RBBP6: variants seen among roughly 807,000 people sequenced by gnomAD.
RBBP6 encodes RB binding protein 6, ubiquitin ligase, also known as E3 ubiquitin-protein ligase RBBP6.
In RBBP6, 25 loss-of-function variants were observed where a neutral mutation model predicts 167.7. The ratio of observed to expected loss-of-function variants is 0.15; its 90% CI spans 0.11 to 0.21. The LOEUF is 0.21. Ranked by LOEUF, RBBP6 falls within the 10% of genes least tolerant of loss-of-function variation. The probability of loss-of-function intolerance (pLI) is 1.00; values close to 1 mark genes in which losing one functional copy is unlikely to be tolerated. For missense variants in RBBP6, 1,868 were observed against 2,134.2 expected, an observed-to-expected ratio of 0.88 and a Z score of 2.46; for synonymous variants, 789 against 735.8, an observed-to-expected ratio of 1.07 and a Z score of -1.17.
chr16:24,547,817 A>C (rs923952183), intron 2 of RBBP6, among the ~76,000 whole-genome samples: 7 of 152,202 alleles, frequency 4.6e-5, no homozygotes, highest in Non-Finnish European at 1.0e-4. Context: ...TTTTACTTTA[A>C]TTTACCAAGT....
chr16:24,546,762 A>G (rs1898663805), intron 2 of RBBP6, among the ~76,000 whole-genome samples: 2 of 152,190 alleles, frequency 1.3e-5, no homozygotes, highest in Non-Finnish European at 2.9e-5. Context: ...ATTTGACTCC[A>G]TTTACTGCTT....
Position 24,570,313 on chromosome 16 carries a change from A to T in RBBP6, c.3623A>T (p.Lys1208Ile), listed in dbSNP as rs3743968. 7.5e-6 allele frequency: 12 copies of T among 1,610,514 alleles called. No homozygotes were observed. In the East Asian group the frequency reaches 2.5e-4, roughly 33 times the overall value. Residue 1208 changes from lysine (K) to isoleucine (I), a missense_variant, in exon 17 of 18, where the codon AAA becomes ATA. Around this residue, in one of 7 missense-constraint regions of RBBP6, gnomAD observed 673 missense variants for 691.5 expected, o/e 0.97. Coordinates refer to ENST00000319715, the MANE Select transcript of RBBP6 (RefSeq NM_006910.5). ...DKISLSAPAKKIKLNRETGKK... is the reference protein window; with the variant it reads ...DKISLSAPAKIIKLNRETGKK... ...ATTTCTTTAAGTGCGCCAGCCAAAA[A>T]AATCAAACTCAACAGAGAAACTGGG...
chr16:24,569,022 G>A lies in RBBP6; in HGVS notation c.2332G>A (p.Gly778Arg). 1 of 1,614,104 alleles carries A rather than the reference G, an allele frequency of 6.2e-7. No individual in the cohort carries two copies. The highest frequency in any genetic ancestry group is 1.1e-5 in the South Asian group (1 of 91,080). Residue 778 changes from glycine to arginine, a missense_variant, in exon 17 of 18, where the codon GGA becomes AGA. This residue lies in a region of RBBP6 where 673 missense variants were observed against 691.5 expected (regional missense o/e 0.97). Transcript: ENST00000319715. The part of the protein sequence containing the change: ...SRSRSPQAFR[G>R]QSPNKRNVPQ... ...ATCAAGATCTCCTCAAGCGTTTAGG[G>A]GACAGTCTCCTAATAAACGTAATGT...
At chr16:24,549,086 T>C in intron 3 of RBBP6, 105 bp downstream of exon 3, 1 of 1,530,132 alleles carries the variant, frequency 6.5e-7, no homozygotes, top group Non-Finnish European at 8.8e-7. Flanking sequence ...CTGATCATAG[T>C]ACATATTGTA....
chr16:24,559,934 T>C (rs1013396948), intron 8 of RBBP6: 1 of 230,364 alleles, frequency 4.3e-6, no homozygotes, highest in African/African-American at 2.3e-5. Context: ...TTTTTCTTAA[T>C]ATAGACTTTT....
In RBBP6 at chr16:24,569,425, A is replaced by G. The variant is rs772588081; in HGVS notation, c.2735A>G (p.Asp912Gly). Reference sequence around the variant, plus strand: ...GCAAGAGATGGTCACAATCAGAAGGATAATACAAAGTCAAAAGAGAAGGAG... The same window carrying G: ...GCAAGAGATGGTCACAATCAGAAGGGTAATACAAAGTCAAAAGAGAAGGAG... ...LSARDGHNQK[D>G]NTKSKEKESE... Residue 912 changes from aspartate (D) to glycine (G), a missense_variant, in exon 17 of 18, where the codon GAT becomes GGT. By Grantham distance (94) the Asp-to-Gly change is moderately conservative. Around this residue, in one of 7 missense-constraint regions of RBBP6, gnomAD observed 673 missense variants for 691.5 expected, o/e 0.97. Transcript: ENST00000319715. The G allele has an allele frequency of 6.2e-7, 1 of 1,613,998 alleles. No homozygotes were observed. Among genetic ancestry groups the G allele is most frequent in the African/African-American group, 1.3e-5 (1 of 74,920 alleles).
chr16:24,540,486 G>T lies in RBBP6; in HGVS notation c.-141G>T, dbSNP rs1236618462. ...TGACGAACCCCTGCTTGTGGTTGGG[G>T]GGTATTTAATCTGAGGCCTTAGGGT... is the stretch of plus-strand genomic sequence containing the variant. On this transcript the variant is annotated 5_prime_UTR_variant, in exon 1 of 18. Transcript: ENST00000319715. 4 of 718,408 alleles carry T rather than the reference G, an allele frequency of 5.6e-6. No individual in the cohort carries two copies. The highest frequency in any genetic ancestry group is 8.7e-6 in the Non-Finnish European group (4 of 457,926). 44.5% of individuals were successfully genotyped at this position (718,408 alleles called of 1,614,324 possible). A position where few individuals can be genotyped will look rare whatever the true frequency, so the allele number is the denominator to read the frequency against.
Position 24,572,730 on chromosome 16 carries a change from C to A in RBBP6, c.*285C>A, listed in dbSNP as rs1385736413. ...AGTTTACTGTAATGTGAAATTTTCA[C>A]ATTTGAATTTTTTAATTGCCTGGCA... is the stretch of plus-strand genomic sequence containing the variant. On this transcript the variant is annotated 3_prime_UTR_variant, in exon 18 of 18. Coordinates refer to ENST00000319715, the MANE Select transcript of RBBP6 (RefSeq NM_006910.5). 1 of 265,060 alleles carries A rather than the reference C, an allele frequency of 3.8e-6. No individual in the cohort carries two copies. The highest frequency in any genetic ancestry group is 7.0e-6 in the Non-Finnish European group (1 of 143,286). 16.4% of individuals were successfully genotyped at this position (265,060 alleles called of 1,614,324 possible). A position where few individuals can be genotyped will look rare whatever the true frequency, so the allele number is the denominator to read the frequency against.
At chr16:24,557,188 G>A (rs1280814188) in intron 7 of RBBP6, among the ~76,000 whole-genome samples, 2 of 151,854 alleles carry the variant, frequency 1.3e-5, no homozygotes, top group Non-Finnish European at 2.9e-5. Flanking sequence ...TTTTAGTAGA[G>A]ACGGAGTTTC....
chr16:24,549,983 G>T (rs1490781636), intron 3 of RBBP6, among the ~76,000 whole-genome samples: 1 of 151,906 alleles, frequency 6.6e-6, no homozygotes, highest in Non-Finnish European at 1.5e-5. Flanking sequence ...AAGTTGTGGG[G>T]TGAAGCATCT....
Position 24,571,478 on chromosome 16 carries a change from G to C in RBBP6, c.4412G>C (p.Arg1471Thr). 1 of 1,612,402 alleles carries C rather than the reference G, an allele frequency of 6.2e-7. No individual in the cohort carries two copies. Among genetic ancestry groups the C allele is most frequent in the Non-Finnish European group, 8.5e-7 (1 of 1,179,672 alleles). The change falls in exon 18 of 18, where the codon AGA becomes ACA. Residue 1471 changes from arginine (R) to threonine (T), a missense_variant. Physicochemically the swap from Arg to Thr is moderately conservative, Grantham distance 71 (BLOSUM62 -1). Coordinates refer to ENST00000319715, the MANE Select transcript of RBBP6 (RefSeq NM_006910.5). Reference protein sequence around the residue: ...ASSNKDFTPNRDKKTDYDTRE... With the variant: ...ASSNKDFTPNTDKKTDYDTRE... ...TCAAATAAAGACTTCACTCCCAATA[G>C]AGACAAAAAAACTGACTATGACACC... is the stretch of plus-strand genomic sequence containing the variant.
rs1238561070 is a variant in RBBP6 at position 24,572,606 on chromosome 16, AAC to A, written c.*164_*165del. On this transcript the variant is annotated 3_prime_UTR_variant, in exon 18 of 18. Transcript: ENST00000319715. ...TTTGATTTTTACATCAGAGCTTTAT[AAC>A]ACGAACTTTTGTACAGAATTGTGAG... 9.4e-7 allele frequency: 1 copy of A among 1,061,444 alleles called. No homozygotes were observed. 65.8% of individuals were successfully genotyped at this position (1,061,444 alleles called of 1,614,324 possible). A position where few individuals can be genotyped will look rare whatever the true frequency, so the allele number is the denominator to read the frequency against.
chr16:24,549,991 T>A (rs1224938463), intron 3 of RBBP6, among the ~76,000 whole-genome samples: 1 of 152,004 alleles, frequency 6.6e-6, no homozygotes, highest in Non-Finnish European at 1.5e-5. Flanking sequence ...GGGTGAAGCA[T>A]CTGTTTCATA....
At chr16:24,565,057 T>C (rs1361078116) in intron 14 of RBBP6, among the ~76,000 whole-genome samples, 192 bp downstream of exon 14, 1 of 152,176 alleles carries the variant, frequency 6.6e-6, no homozygotes, top group Admixed American at 6.5e-5. Context: ...GTATCTTAAA[T>C]GATGGTTTTT....
In RBBP6 at chr16:24,562,874, C is replaced by T. The variant is rs540494161; in HGVS notation, c.1290-325C>T. Among the ~76,000 whole-genome samples, 118 of 152,136 alleles carry T rather than the reference C, an allele frequency of 7.8e-4. 1 individual carries two copies. The highest frequency in any genetic ancestry group is 2.6e-4 in the Admixed American group (4 of 15,268). On this transcript the variant is annotated intron_variant, in intron 10 of 17. Transcript: ENST00000319715. ...TTATCCTTTCAGTTTAGTGGTAGAA[C>T]TAGAGCTAAAACTTAACTCTTAATC...
At chr16:24,567,608 G>T in intron 15 of RBBP6, 103 bp downstream of exon 15, 1 of 1,387,406 alleles carries the variant, frequency 7.2e-7, no homozygotes, top group Admixed American at 2.5e-5. Flanking sequence ...GTTAGTATGA[G>T]AAATTCACCT....
intron 6 of RBBP6, 32 bp downstream of exon 6, chr16:24,555,949 TA>T (rs1567274332): frequency 6.6e-7 from 1 of 1,509,046 alleles, no homozygotes; most frequent in Non-Finnish European, 9.2e-7. Flanking sequence ...TGGTATATCT[TA>T]CTTTTTTTCC....
At position 24,569,797 on chromosome 16, in the gene RBBP6, A is replaced by C. The variant is rs766649142; in HGVS notation, c.3107A>C (p.Lys1036Thr). ...GTGTCCAAAAAAGAAAATATTGTAA[A>C]ACCTGCTAAAGGACCCCAAGAAAAA... ...SAVSKKENIV[K>T]PAKGPQEKVD... Residue 1036 changes from lysine to threonine, a missense_variant, in exon 17 of 18, where the codon AAA becomes ACA. Coordinates refer to ENST00000319715, the MANE Select transcript of RBBP6 (RefSeq NM_006910.5). 6.2e-7 allele frequency: 1 copy of C among 1,613,338 alleles called. No individual in the cohort carries two copies. The highest frequency in any genetic ancestry group is 8.5e-7 in the Non-Finnish European group (1 of 1,179,874).
chr16:24,543,459 A>AT (rs916068821), intron 1 of RBBP6, among the ~76,000 whole-genome samples: 6 of 151,048 alleles, frequency 4.0e-5, no homozygotes, highest in South Asian at 2.1e-4. Flanking sequence ...ATTTATTGTA[A>AT]TTTTTTTTTA....
Sources: gnomAD v4.1 joint callset for allele counts (sites outside exome capture counted in the v4.1 genomes callset) on GRCh38, gnomAD v4.1.1 for gene constraint, gnomAD v4.1.1 regional missense constraint, MANE v1.5 for transcripts, NCBI Gene and HGNC (gene_info 2026-07-23, HGNC 2026-07-21) for gene names.